The following AKT3 variants were observed in gnomAD, a reference collection of about 807,000 sequenced individuals.
AKT3 encodes the protein RAC-gamma serine/threonine-protein kinase.
Under a neutral mutation model 65.3 loss-of-function variants are expected in AKT3, and 15 were observed. The observed-to-expected ratio is 0.23, with a 90% confidence interval of 0.15 to 0.35. The LOEUF (loss-of-function observed/expected upper bound fraction) is 0.35. Ranked by LOEUF, AKT3 falls within the 10% of genes least tolerant of loss-of-function variation. The pLI is 1.00. For synonymous variants in AKT3, 206 were observed against 183.8 expected, an observed-to-expected ratio of 1.12 and a Z score of -0.98; for missense variants, 243 against 576.5, an observed-to-expected ratio of 0.42 and a Z score of 5.92.
At chr1:243,583,557 GA>G (rs977215298) in intron 8 of AKT3, among the ~76,000 whole-genome samples, 21 of 38,786 alleles carry the variant, frequency 5.4e-4, no homozygotes, top group Non-Finnish European at 1.6e-3. Context: ...AAAAAAAAAA[GA>G]AAAAAAAAAG....
At chr1:243,522,534 C>G (rs1046895624) in intron 12 of AKT3, among the ~76,000 whole-genome samples, 1 of 152,078 alleles carries the variant, frequency 6.6e-6, no homozygotes, top group Non-Finnish European at 1.5e-5. Context: ...TAGCATGTGC[C>G]TGTGATCCCA....
intron 8 of AKT3, among the ~76,000 whole-genome samples, chr1:243,610,606 T>A (rs1677798287): frequency 6.6e-6 from 1 of 152,228 alleles, no homozygotes; most frequent in Non-Finnish European, 1.5e-5. Context: ...TACTTTCAAC[T>A]ATTAGATAAT....
At chr1:243,589,314 A>C (rs1286458530) in intron 8 of AKT3, among the ~76,000 whole-genome samples, 2 of 150,246 alleles carry the variant, frequency 1.3e-5, no homozygotes, top group Non-Finnish European at 3.0e-5. Flanking sequence ...CTCAAAAAAA[A>C]AAAAAAAAAA....
chr1:243,740,468 G>A (rs1349208205), intron 2 of AKT3, among the ~76,000 whole-genome samples: 1 of 152,138 alleles, frequency 6.6e-6, no homozygotes, highest in Non-Finnish European at 1.5e-5. Context: ...ATTCTGCTGG[G>A]CCCCTTTTCT....
chr1:243,536,627 A>G (rs900406064), intron 12 of AKT3, among the ~76,000 whole-genome samples: 1 of 152,062 alleles, frequency 6.6e-6, no homozygotes, highest in African/African-American at 2.4e-5. Context: ...ATTCTAGGTG[A>G]GATTTTTTGT....
intron 2 of AKT3, among the ~76,000 whole-genome samples, chr1:243,813,535 G>A (rs6703013): frequency 0.78 from 118,357 of 151,548 alleles, 47,147 homozygotes; most frequent in Non-Finnish European, 0.86. Context: ...ATTAGAATCA[G>A]TGTCATAGAA....
At chr1:243,514,389 GTC>G (rs1288272365) in intron 12 of AKT3, among the ~76,000 whole-genome samples, 21 of 152,138 alleles carry the variant, frequency 1.4e-4, no homozygotes, top group Non-Finnish European at 2.1e-4. Context: ...GCTTAAAATA[GTC>G]TCTGTTTCAA....
chr1:243,850,707 C>T (rs1695747608), upstream of AKT3, among the ~76,000 whole-genome samples: 1 of 151,954 alleles, frequency 6.6e-6, no homozygotes, highest in Admixed American at 6.5e-5. Context: ...TGCCCGCCGC[C>T]TCTGCTCCCC....
chr1:243,651,712 G>A (rs1272758398), intron 4 of AKT3, among the ~76,000 whole-genome samples: 7 of 152,162 alleles, frequency 4.6e-5, no homozygotes, highest in African/African-American at 1.7e-4. Flanking sequence ...ATTTGTGTAT[G>A]TTGCACCAGC....
At chr1:243,768,064 T>C (rs917640011) in intron 2 of AKT3, among the ~76,000 whole-genome samples, 1 of 151,408 alleles carries the variant, frequency 6.6e-6, no homozygotes, top group Admixed American at 6.6e-5. Context: ...TTTAAAATTA[T>C]AAAATGCCAT....
intron 2 of AKT3, among the ~76,000 whole-genome samples, chr1:243,779,049 T>C (rs1690741801): frequency 6.6e-6 from 1 of 152,120 alleles, no homozygotes. Flanking sequence ...GGCTTTTCCC[T>C]ACTCTGATGC....
intron 6 of AKT3, among the ~76,000 whole-genome samples, chr1:243,621,349 T>C (rs769466235): frequency 1.3e-5 from 2 of 152,162 alleles, no homozygotes; most frequent in Non-Finnish European, 2.9e-5. Context: ...TGAAAACGTG[T>C]TCTTCTTTTG....
chr1:243,497,364 G>A (rs540341699), downstream of AKT3, among the ~76,000 whole-genome samples: 4 of 148,864 alleles, frequency 2.7e-5, no homozygotes, highest in Non-Finnish European at 3.0e-5. Context: ...AGCAGTGAAC[G>A]GTAAGTTCAA....
At chr1:243,694,483 TA>T (rs1684928811) in intron 3 of AKT3, among the ~76,000 whole-genome samples, 2 of 67,504 alleles carry the variant, frequency 3.0e-5, no homozygotes, top group Non-Finnish European at 6.9e-5. Flanking sequence ...TGATCTCATT[TA>T]AAAAATATCT....
chr1:243,809,842 C>T lies in AKT3; in HGVS notation c.46+33283G>A, dbSNP rs567233713. The stretch of plus-strand genomic sequence containing the variant: ...AATTATAACAAACTGTTTCTCAGAC[C>T]ACAGTGCAACCAAACTAGAACTCAG... On this transcript the variant is annotated intron_variant, in intron 2 of 13. Transcript: ENST00000673466. Among the ~76,000 whole-genome samples the T allele has an allele frequency of 9.3e-4, 141 of 152,250 alleles. 1 individual carries two copies. The highest frequency in any genetic ancestry group is 3.3e-3 in the African/African-American group (138 of 41,540).
intron 8 of AKT3, among the ~76,000 whole-genome samples, chr1:243,607,991 C>G (rs957005426): frequency 1.3e-5 from 2 of 152,154 alleles, no homozygotes; most frequent in Non-Finnish European, 2.9e-5. Context: ...TGAGGACTCC[C>G]CAGCCCTGCG....
intron 12 of AKT3, among the ~76,000 whole-genome samples, chr1:243,545,118 A>G (rs1206380074): frequency 5.9e-5 from 9 of 152,352 alleles, no homozygotes; most frequent in East Asian, 1.9e-4. Flanking sequence ...AATTTCTTTT[A>G]AAACAAGGAT....
At chr1:243,646,075 G>C (rs923910064) in intron 4 of AKT3, 38 bp from the exon 5 acceptor site, 1 of 1,510,874 alleles carries the variant, frequency 6.6e-7, no homozygotes, top group South Asian at 1.3e-5. Context: ...AATAGAAGAT[G>C]GTAAATGATT....
rs755127346 is a variant in AKT3, at chr1:243,552,941, C to T, written c.951G>A (p.Val317=). The change falls in exon 11 of 14, where the codon GTG becomes GTA. Residue 317 remains valine, a splice_region_variant and synonymous_variant. Transcript: ENST00000673466. ...CGTPEYLAPE[V]LEDNDYGRAV... ...CTCGGCCATAGTCATTATCTTCTAA[C>T]ACCTAAAAGTGAAATCAGTAAAAAG... The T allele has an allele frequency of 1.9e-6, 3 of 1,586,738 alleles. No individual in the cohort carries two copies. The highest frequency in any genetic ancestry group is 8.6e-7 in the Non-Finnish European group (1 of 1,168,392).
Sources: gnomAD v4.1 joint callset for allele counts (sites outside exome capture counted in the v4.1 genomes callset) on GRCh38, gnomAD v4.1.1 for gene constraint, MANE v1.5 for transcripts, NCBI Gene and HGNC (gene_info 2026-07-23, HGNC 2026-07-21) for gene names.